The following QRICH2 variants were observed in gnomAD, a reference collection of about 807,000 sequenced individuals.
The protein encoded by QRICH2 is glutamine rich 2, also known as glutamine-rich protein 2.
QRICH2 carries 119 observed loss-of-function variants against 168.3 expected under a neutral mutation model. The observed-to-expected ratio is 0.71, with a 90% CI of 0.61 to 0.82. QRICH2 has a LOEUF of 0.82. Among genes scored for constraint, QRICH2 ranks in the 40% least tolerant of loss-of-function variants. The pLI, the probability that QRICH2 is intolerant of heterozygous loss-of-function variation, is 0.00. For synonymous variants in QRICH2, 894 were observed against 951.2 expected, an observed-to-expected ratio of 0.94 and a Z score of 1.11; for missense variants, 2,241 against 2,491.6, an observed-to-expected ratio of 0.90 and a Z score of 2.14.
In QRICH2 at chr17:76,283,914, C is replaced by G. The variant is rs554749038; in HGVS notation, c.4012-1799G>C. Among the ~76,000 whole-genome samples, 31 of 139,012 alleles carry G rather than the reference C, an allele frequency of 2.2e-4. No individual in the cohort carries two copies. The East Asian group carries it at 5.4e-3, about 24-fold the overall frequency. The allele number at this position is 139,012 out of a possible 152,430, so 91.2% of individuals were successfully genotyped here. A position where few individuals can be genotyped will look rare whatever the true frequency, so the allele number is the denominator to read the frequency against. Reference sequence around the variant, plus strand: ...GGTGCAGTGGCTCATGCCTATAATCCTAGCACTTTGGGAGGCCAAGGCAGG... The same window carrying G: ...GGTGCAGTGGCTCATGCCTATAATCGTAGCACTTTGGGAGGCCAAGGCAGG... On this transcript the variant is annotated intron_variant, in intron 7 of 18. Transcript: ENST00000680821.
Position 76,290,040 on chromosome 17 carries a change from C to T in QRICH2, c.3750G>A (p.Leu1250=), listed in dbSNP as rs1241484424. The change falls in exon 5 of 19, where the codon CTG becomes CTA. Residue 1250 remains leucine (L), a synonymous_variant. Transcript: ENST00000680821. Reference sequence around the variant, plus strand: ...CTTTGGCTAGCGTCTTTACGGTCTTCAGCTGCTCCTGCAGTTCAGGAGGTA... The same window carrying T: ...CTTTGGCTAGCGTCTTTACGGTCTTTAGCTGCTCCTGCAGTTCAGGAGGTA... ...RTIPPELQEQ[L]KTVKTLAKEV... 1 of 1,612,196 alleles carries T rather than the reference C, an allele frequency of 6.2e-7. No individual in the cohort carries two copies. The highest frequency in any genetic ancestry group is 1.1e-5 in the South Asian group (1 of 91,004).
chr17:76,277,410 T>C, intron 15 of QRICH2, 100 bp from the exon 16 acceptor site: 2 of 1,393,924 alleles, frequency 1.4e-6, no homozygotes, highest in South Asian at 1.3e-5. Flanking sequence ...GGGGCACAGC[T>C]TCTCTTCGGG....
At chr17:76,277,704 A>G (rs1014253202) in intron 15 of QRICH2, among the ~76,000 whole-genome samples, 1 of 151,892 alleles carries the variant, frequency 6.6e-6, no homozygotes, top group Non-Finnish European at 1.5e-5. Flanking sequence ...ATACATGCAC[A>G]CACATACTCA....
intron 7 of QRICH2, among the ~76,000 whole-genome samples, chr17:76,286,652 TAA>T (rs943648893): frequency 7.2e-5 from 11 of 151,928 alleles, no homozygotes; most frequent in African/African-American, 2.7e-4. Flanking sequence ...GATTATATCA[TAA>T]AAAAGATAGG....
At chr17:76,304,309 T>G (rs1438693235) in intron 3 of QRICH2, 106 bp downstream of exon 3, 1 of 683,192 alleles carries the variant, frequency 1.5e-6, no homozygotes, top group Non-Finnish European at 2.5e-6. Flanking sequence ...TCAATGAAAC[T>G]TGCGAACTAT....
chr17:76,279,991 T>C (rs1409688740), intron 12 of QRICH2, 42 bp downstream of exon 12: 3 of 1,534,486 alleles, frequency 2.0e-6, no homozygotes, highest in Non-Finnish European at 2.7e-6. Context: ...CCTCACCCCC[T>C]GAAGAGCGTG....
rs572385212 is a variant in QRICH2 at position 76,274,749 on chromosome 17, C to T, written c.5483-489G>A. On this transcript the variant is annotated intron_variant, in intron 18 of 18. Coordinates refer to ENST00000680821, the MANE Select transcript of QRICH2 (RefSeq NM_001388453.1). Reference sequence around the variant, plus strand: ...CCACTGAGACCTGCCGTTCCCAGCACAGCCTCTGGGCCAGAGGGCTTGGCT... The same window carrying T: ...CCACTGAGACCTGCCGTTCCCAGCATAGCCTCTGGGCCAGAGGGCTTGGCT... 2.9e-3 allele frequency among the ~76,000 whole-genome samples: 442 copies of T among 152,300 alleles called. 2 individuals carry two copies. Among genetic ancestry groups the T allele is most frequent in the African/African-American group, 9.9e-3 (410 of 41,558 alleles).
Position 76,307,952 on chromosome 17 carries a change from G to C in QRICH2, c.47C>G (p.Ser16Cys). Residue 16 changes from serine (S) to cysteine (C), a missense_variant, in exon 1 of 19, where the codon TCC becomes TGC. Around this residue, in one of 3 missense-constraint regions of QRICH2, gnomAD observed 2,047 missense variants for 2,303.8 expected, o/e 0.89. Transcript: ENST00000680821. The surrounding 1 kb of genome is among the most constrained non-coding windows in gnomAD (Gnocchi z 5.3). ...TVSLRELADLSIGTPEVGAVN... is the reference protein window; with the variant it reads ...TVSLRELADLCIGTPEVGAVN... Reference sequence around the variant, plus strand: ...GGCGCCCACCTCTGGCGTGCCGATGGAGAGGTCCGCCAGCTCCCGGAGGGA... The same window carrying C: ...GGCGCCCACCTCTGGCGTGCCGATGCAGAGGTCCGCCAGCTCCCGGAGGGA... 1 of 1,234,894 alleles carries C rather than the reference G, an allele frequency of 8.1e-7. No homozygotes were observed. The highest frequency in any genetic ancestry group is 1.0e-6 in the Non-Finnish European group (1 of 989,402). The allele number at this position is 1,234,894 out of a possible 1,614,324, so 76.5% of individuals were successfully genotyped here.
chr17:76,300,920 G>C (rs550942384), intron 3 of QRICH2, among the ~76,000 whole-genome samples: 67 of 152,240 alleles, frequency 4.4e-4, no homozygotes, highest in Non-Finnish European at 8.5e-4. Flanking sequence ...CGGGCGTGGT[G>C]GTGGGCACCT....
At chr17:76,275,173 G>A (rs748374482) in intron 18 of QRICH2, among the ~76,000 whole-genome samples, 2 of 152,028 alleles carry the variant, frequency 1.3e-5, no homozygotes, top group Non-Finnish European at 2.9e-5. Flanking sequence ...GAGGAAGGTC[G>A]GCAGCTTTTA....
Position 76,293,501 on chromosome 17 carries a change from G to A in QRICH2, c.1226C>T (p.Pro409Leu). ...CATGCTGAGGGGTACCACACCATGTGGGTAAGTGCTAGCAGGCACTAATCC... is the reference window on the plus strand; with the variant it reads ...CATGCTGAGGGGTACCACACCATGTAGGTAAGTGCTAGCAGGCACTAATCC... The part of the protein sequence containing the change: ...QPGLVPASTY[P>L]HGVVPLSMGQ... The change falls in exon 4 of 19, where the codon CCA becomes CTA. Residue 409 changes from proline to leucine, a missense_variant. Pro to Leu is a moderately conservative substitution (Grantham distance 98). This residue lies in a region of QRICH2 where 2,047 missense variants were observed against 2,303.8 expected (regional missense o/e 0.89). Coordinates refer to ENST00000680821, the MANE Select transcript of QRICH2 (RefSeq NM_001388453.1). The A allele has an allele frequency of 1.2e-6, 2 of 1,614,188 alleles. No homozygotes were observed. The highest frequency in any genetic ancestry group is 8.5e-7 in the Non-Finnish European group (1 of 1,180,036).
chr17:76,282,042 G>T lies in QRICH2; in HGVS notation c.4085C>A (p.Pro1362Gln). 9 of 1,613,628 alleles carry T rather than the reference G, an allele frequency of 5.6e-6. No homozygotes were observed. Among genetic ancestry groups the T allele is most frequent in the Non-Finnish European group, 6.8e-6 (8 of 1,179,742 alleles). Residue 1362 changes from proline (P) to glutamine (Q), a missense_variant, in exon 8 of 19, where the codon CCG becomes CAG. By Grantham distance (76) the Pro-to-Gln change is moderately conservative (BLOSUM62 -1). This residue lies in a region of QRICH2 where 2,047 missense variants were observed against 2,303.8 expected (regional missense o/e 0.89). Transcript: ENST00000680821. Reference protein sequence around the residue: ...SSTLLSMSMAPHKAHTLAPGQ... With the variant: ...SSTLLSMSMAQHKAHTLAPGQ... Reference sequence around the variant, plus strand: ...AGGAGCCAAGGTGTGGGCCTTGTGCGGGGCCATGCTCATGGACAGGAGCGT... The same window carrying T: ...AGGAGCCAAGGTGTGGGCCTTGTGCTGGGCCATGCTCATGGACAGGAGCGT...
In QRICH2 at chr17:76,308,267, G is replaced by A. The variant is rs1363089553; in HGVS notation, c.-269C>T. 10 of 985,342 alleles carry A rather than the reference G, an allele frequency of 1.0e-5. 1 individual carries two copies. Among genetic ancestry groups the A allele is most frequent in the Non-Finnish European group, 1.1e-5 (9 of 829,936 alleles). 61.0% of individuals were successfully genotyped at this position (985,342 alleles called of 1,614,324 possible). ...CCCTGGACTCCCAGTCCCCGCGCCGGCGGACGTTTGAAACGTGGGGGCCCC... is the reference window on the plus strand; with the variant it reads ...CCCTGGACTCCCAGTCCCCGCGCCGACGGACGTTTGAAACGTGGGGGCCCC... On this transcript the variant is annotated 5_prime_UTR_variant, in exon 1 of 19. Coordinates refer to ENST00000680821, the MANE Select transcript of QRICH2 (RefSeq NM_001388453.1).
In QRICH2 at chr17:76,279,117, G is replaced by A; in HGVS notation, c.4840C>T (p.Pro1614Ser). Residue 1614 changes from proline to serine, a missense_variant, in exon 14 of 19, where the codon CCA becomes TCA. This residue lies in a region of QRICH2 where 2,047 missense variants were observed against 2,303.8 expected (regional missense o/e 0.89). Transcript: ENST00000680821. Reference protein sequence around the residue: ...GHAIPVTPAGPGLPGHHSIRP... With the variant: ...GHAIPVTPAGSGLPGHHSIRP... ...ATGGAATGGTGCCCAGGTAGGCCTG[G>A]ACCCGCGGGGGTCACGGGGATGGCA... The A allele has an allele frequency of 6.2e-7, 1 of 1,613,608 alleles. No homozygotes were observed.
Position 76,293,887 on chromosome 17 carries a change from G to C in QRICH2, c.840C>G (p.Gly280=). The change falls in exon 4 of 19, where the codon GGC becomes GGG. Residue 280 remains glycine, a synonymous_variant. Coordinates refer to ENST00000680821, the MANE Select transcript of QRICH2 (RefSeq NM_001388453.1). ...CAGATCCTGATGCAGTCCGATCCGG[G>C]CCAAGACCACTGGCAGAATCCAGAG... is the stretch of plus-strand genomic sequence containing the variant. ...EQALDSASGL[G]PDRTASGSGG... 6.2e-7 allele frequency: 1 copy of C among 1,614,122 alleles called. No homozygotes were observed. The highest frequency in any genetic ancestry group is 8.5e-7 in the Non-Finnish European group (1 of 1,180,032).
At chr17:76,285,976 T>G (rs142324441) in intron 7 of QRICH2, among the ~76,000 whole-genome samples, 1,962 of 151,542 alleles carry the variant, frequency 0.013, 36 homozygotes, top group African/African-American at 0.041. Context: ...ATTGAGACCA[T>G]CCTGGCTAAC....
At chr17:76,301,552 C>A in intron 3 of QRICH2, 1 of 160,406 alleles carries the variant, frequency 6.2e-6, no homozygotes, top group Non-Finnish European at 1.4e-5. Context: ...TGGGTGACGA[C>A]AGAGACTCTG....
chr17:76,307,983 T>G lies in QRICH2; in HGVS notation c.16A>C (p.Thr6Pro). 2 of 1,233,088 alleles carry G rather than the reference T, an allele frequency of 1.6e-6. No homozygotes were observed. Among genetic ancestry groups the G allele is most frequent in the South Asian group, 4.1e-5 (1 of 24,572 alleles). 76.4% of individuals were successfully genotyped at this position (1,233,088 alleles called of 1,614,324 possible). The change falls in exon 1 of 19, where the codon ACG (threonine) becomes CCG (proline). Residue 6 changes from threonine to proline, a missense_variant. By Grantham distance (38) the Thr-to-Pro change is conservative. Coordinates refer to ENST00000680821, the MANE Select transcript of QRICH2 (RefSeq NM_001388453.1). The surrounding 1 kb of genome is among the most constrained non-coding windows in gnomAD (Gnocchi z 5.3). MPPATTVSLRELADLS... is the reference protein window; with the variant it reads MPPATPVSLRELADLS... ...TCCGCCAGCTCCCGGAGGGAGACCG[T>G]GGTCGCGGGCGGCATCGTGGCTGTC...
At position 76,274,054 on chromosome 17, in the gene QRICH2, C is replaced by T. The variant is rs557403470; in HGVS notation, c.*25G>A. 427 of 1,485,698 alleles carry T rather than the reference C, an allele frequency of 2.9e-4. No individual in the cohort carries two copies. The highest frequency in any genetic ancestry group is 3.6e-4 in the Non-Finnish European group (409 of 1,123,872). 92.0% of individuals were successfully genotyped at this position (1,485,698 alleles called of 1,614,324 possible). ...ACGATTCGCCACACCTAAGCTTCCT[C>T]CTGAATGTTTATTTACACCTCCGCT... On this transcript the variant is annotated 3_prime_UTR_variant, in exon 19 of 19. Coordinates refer to ENST00000680821, the MANE Select transcript of QRICH2 (RefSeq NM_001388453.1).
Sources: gnomAD v4.1 joint callset for allele counts (sites outside exome capture counted in the v4.1 genomes callset) on GRCh38, gnomAD v4.1.1 for gene constraint, gnomAD v4.1.1 regional missense constraint, Gnocchi (gnomAD v3.1) non-coding constraint, MANE v1.5 for transcripts, NCBI Gene and HGNC (gene_info 2026-07-23, HGNC 2026-07-21) for gene names.